Variants in PDGFC observed in about 807,000 individuals in gnomAD.
The protein encoded by PDGFC is platelet-derived growth factor C.
A neutral mutation model predicts 35.5 loss-of-function variants in PDGFC; 12 were observed. The observed-to-expected ratio is 0.34, with a 90% CI of 0.22 to 0.55. The LOEUF is 0.55. PDGFC is among the 20% of genes least tolerant of loss of function. PDGFC has a pLI of 0.91. For missense variants in PDGFC, 322 were observed against 412.4 expected, an observed-to-expected ratio of 0.78 and a Z score of 1.90; for synonymous variants, 159 against 148.8, an observed-to-expected ratio of 1.07 and a Z score of -0.50.
chr4:156,780,107 G>GTTTTTTTTTT (rs35403686), intron 3 of PDGFC, among the ~76,000 whole-genome samples: 1 of 125,026 alleles, frequency 8.0e-6, no homozygotes. Flanking sequence ...CAAAATTAAG[G>GTTTTTTTTTT]TTTTTTTTTT....
At chr4:156,957,499 G>GC (rs527462167) in intron 1 of PDGFC, among the ~76,000 whole-genome samples, 10 of 151,626 alleles carry the variant, frequency 6.6e-5, no homozygotes, top group African/African-American at 2.4e-4. Context: ...TCCTTCCTTG[G>GC]CATCCTTCAC....
chr4:156,780,935 T>C (rs1730962259), intron 3 of PDGFC, among the ~76,000 whole-genome samples: 1 of 152,124 alleles, frequency 6.6e-6, no homozygotes, highest in Admixed American at 6.5e-5. Context: ...ACAAGATGCT[T>C]CTCCTTAGCT....
At chr4:156,867,613 G>A (rs1729877136) in intron 1 of PDGFC, among the ~76,000 whole-genome samples, 3 of 152,126 alleles carry the variant, frequency 2.0e-5, no homozygotes, top group Admixed American at 2.0e-4. Context: ...CTTAAGAAGA[G>A]CGGCAGGTCA....
At chr4:156,794,831 T>C (rs980874821) in intron 3 of PDGFC, among the ~76,000 whole-genome samples, 1 of 152,154 alleles carries the variant, frequency 6.6e-6, no homozygotes, top group Non-Finnish European at 1.5e-5. Context: ...TACTAGCTAC[T>C]TGGATATATA....
intron 1 of PDGFC, among the ~76,000 whole-genome samples, chr4:156,945,701 C>T (rs1269611423): frequency 3.3e-5 from 5 of 151,918 alleles, no homozygotes; most frequent in East Asian, 1.9e-4. Context: ...GGTCAGGATG[C>T]TGGCTAAAAA....
In PDGFC at chr4:156,773,150, A is replaced by C. The variant is rs571013310; in HGVS notation, c.496-257T>G. Among the ~76,000 whole-genome samples the C allele has an allele frequency of 1.2e-3, 187 of 152,320 alleles. 1 individual carries two copies. Among genetic ancestry groups the C allele is most frequent in the African/African-American group, 4.4e-3 (182 of 41,590 alleles). ...ATATGGATATCTTTTGGTCATATAAAAGAATTAAAAATATCTTCATGGTTC... is the reference window on the plus strand; with the variant it reads ...ATATGGATATCTTTTGGTCATATAACAGAATTAAAAATATCTTCATGGTTC... On this transcript the variant is annotated intron_variant, in intron 3 of 5. Transcript: ENST00000502773.
At chr4:156,931,885 T>C (rs981670809) in intron 1 of PDGFC, among the ~76,000 whole-genome samples, 6 of 152,198 alleles carry the variant, frequency 3.9e-5, no homozygotes, top group African/African-American at 1.4e-4. Flanking sequence ...CTTTTTTATT[T>C]TAAAGACTTC....
chr4:156,876,333 G>T (rs978244279), intron 1 of PDGFC: 6 of 151,956 alleles, frequency 3.9e-5, no homozygotes, highest in Admixed American at 3.9e-4. Context: ...TTTACGAAAG[G>T]TTCAAAAAGA....
intron 1 of PDGFC, among the ~76,000 whole-genome samples, chr4:156,891,168 C>A (rs566608309): frequency 2.8e-4 from 42 of 151,322 alleles, no homozygotes; most frequent in Non-Finnish European, 5.2e-4. Flanking sequence ...TAATTAAACA[C>A]ATCTAAACAT....
At chr4:156,868,696 T>TC in intron 1 of PDGFC, among the ~76,000 whole-genome samples, 1 of 152,314 alleles carries the variant, frequency 6.6e-6, no homozygotes, top group South Asian at 2.1e-4. Flanking sequence ...TGCTAGTTCT[T>TC]AATTGACCTT....
At chr4:156,848,990 T>A (rs1256893559) in intron 2 of PDGFC, among the ~76,000 whole-genome samples, 1 of 152,052 alleles carries the variant, frequency 6.6e-6, no homozygotes, top group Non-Finnish European at 1.5e-5. Context: ...ACAAAAGGGA[T>A]AGGATTACTT....
intron 1 of PDGFC, among the ~76,000 whole-genome samples, chr4:156,888,360 A>G (rs1054526377): frequency 6.6e-6 from 1 of 152,244 alleles, no homozygotes; most frequent in Non-Finnish European, 1.5e-5. Flanking sequence ...TACAATGTTC[A>G]ATAATCAACT....
chr4:156,851,365 A>G (rs1729447526), intron 1 of PDGFC, among the ~76,000 whole-genome samples: 1 of 152,234 alleles, frequency 6.6e-6, no homozygotes, highest in African/African-American at 2.4e-5. Flanking sequence ...GGCAGAGTAT[A>G]GTACAAAATG....
At chr4:156,928,620 T>C (rs745846769) in intron 1 of PDGFC, among the ~76,000 whole-genome samples, 1 of 152,122 alleles carries the variant, frequency 6.6e-6, no homozygotes, top group Non-Finnish European at 1.5e-5. Flanking sequence ...CAAAGAGATA[T>C]TGCACCCCAA....
chr4:156,884,665 T>C (rs1298690270), intron 1 of PDGFC, among the ~76,000 whole-genome samples: 1 of 152,236 alleles, frequency 6.6e-6, no homozygotes, highest in East Asian at 1.9e-4. Flanking sequence ...ATTTTACTGG[T>C]ATTTGTATAC....
intron 1 of PDGFC, among the ~76,000 whole-genome samples, chr4:156,946,735 A>G (rs1731957400): frequency 6.6e-6 from 1 of 152,036 alleles, no homozygotes; most frequent in East Asian, 1.9e-4. Flanking sequence ...CATGACTAAG[A>G]TAATGACTTC....
chr4:156,883,491 G>C (rs1006912435), intron 1 of PDGFC, among the ~76,000 whole-genome samples: 30 of 152,156 alleles, frequency 2.0e-4, no homozygotes, highest in African/African-American at 7.2e-4. Context: ...TTTGAGGCAA[G>C]GTTTATGTTA....
intron 1 of PDGFC, among the ~76,000 whole-genome samples, chr4:156,943,486 G>A (rs184340125): frequency 6.6e-6 from 1 of 152,116 alleles, no homozygotes; most frequent in East Asian, 1.9e-4. Flanking sequence ...ACAAGATCCG[G>A]GAGGATTCAA....
intron 1 of PDGFC, among the ~76,000 whole-genome samples, chr4:156,948,942 T>C (rs987476113): frequency 6.6e-6 from 1 of 151,722 alleles, no homozygotes; most frequent in African/African-American, 2.4e-5. Context: ...TCATGGGAGG[T>C]TTATTGCTCT....
Sources: allele counts gnomAD v4.1 joint callset (sites outside exome capture counted in the v4.1 genomes callset), GRCh38; gene constraint gnomAD v4.1.1; transcripts MANE v1.5; gene names NCBI Gene and HGNC (gene_info 2026-07-23, HGNC 2026-07-21).